The following SPRY1 variants were observed in gnomAD, a reference collection of about 807,000 sequenced individuals.
SPRY1 encodes the protein sprouty RTK signaling antagonist 1, also known as protein sprouty homolog 1.
SPRY1 carries 20 observed loss-of-function variants against 22.6 expected under a neutral mutation model. The observed-to-expected ratio is 0.89, with a 90% CI of 0.62 to 1.29. SPRY1 has a LOEUF of 1.29. Ranked by LOEUF, SPRY1 falls within the 50% of genes most tolerant of loss-of-function variation. SPRY1 has a pLI of 0.00. For synonymous variants in SPRY1, 155 were observed against 144.7 expected, an observed-to-expected ratio of 1.07 and a Z score of -0.51; for missense variants, 446 against 387.7, an observed-to-expected ratio of 1.15 and a Z score of -1.26.
At position 123,401,730 on chromosome 4, in the gene SPRY1, A is replaced by C. The variant is rs759365951; in HGVS notation, c.139A>C (p.Ile47Leu). The C allele has an allele frequency of 3.1e-6, 5 of 1,614,106 alleles. No homozygotes were observed. In the African/African-American group the frequency reaches 5.3e-5, roughly 17 times the overall value. ...TTTGTCCTTAGACCAGATCAAGGCCATAAGAGGCAGCAATGAATACACAGA... is the reference window on the plus strand; with the variant it reads ...TTTGTCCTTAGACCAGATCAAGGCCCTAAGAGGCAGCAATGAATACACAGA... ...AILSLDQIKA[I>L]RGSNEYTEGP... Residue 47 changes from isoleucine to leucine, a missense_variant, in exon 3 of 3, where the codon ATA (isoleucine) becomes CTA (leucine). Coordinates refer to ENST00000651917, the MANE Select transcript of SPRY1 (RefSeq NM_001258038.2).
intron 2 of SPRY1, among the ~76,000 whole-genome samples, chr4:123,400,743 A>G (rs1034803126): frequency 6.6e-6 from 1 of 152,192 alleles, no homozygotes; most frequent in Non-Finnish European, 1.5e-5. Flanking sequence ...AAGGCCTCAC[A>G]CTTATTTGTG....
Position 123,402,706 on chromosome 4 carries a change from C to A in SPRY1, c.*155C>A. Reference sequence around the variant, plus strand: ...GTCTAACTCATGGATTTTTCTCTTTCCTCATGGATGATCTTCAGCAAGAGT... The same window carrying A: ...GTCTAACTCATGGATTTTTCTCTTTACTCATGGATGATCTTCAGCAAGAGT... On this transcript the variant is annotated 3_prime_UTR_variant, in exon 3 of 3. Coordinates refer to ENST00000651917, the MANE Select transcript of SPRY1 (RefSeq NM_001258038.2). 2 of 979,686 alleles carry A rather than the reference C, an allele frequency of 2.0e-6. No homozygotes were observed. The highest frequency in any genetic ancestry group is 3.0e-6 in the Non-Finnish European group (2 of 673,892). The allele number at this position is 979,686 out of a possible 1,614,324, so 60.7% of individuals were successfully genotyped here.
At chr4:123,400,316 G>A (rs1579156896) in intron 2 of SPRY1, 1 of 152,240 alleles carries the variant, frequency 6.6e-6, no homozygotes. Flanking sequence ...AGAGACATTA[G>A]TTTAGGAAAT....
chr4:123,401,787 C>A lies in SPRY1; in HGVS notation c.196C>A (p.Arg66=). The A allele has an allele frequency of 6.2e-7, 1 of 1,614,184 alleles. No homozygotes were observed. The highest frequency in any genetic ancestry group is 2.2e-5 in the East Asian group (1 of 44,886). ...GPSVVKRPAP[R]TAPRQEKHER... ...TTCGGTGGTGAAAAGACCTGCTCCT[C>A]GGACAGCACCAAGACAAGAAAAGCA... The change falls in exon 3 of 3, where the codon CGG becomes AGG. Residue 66 remains arginine (R), a synonymous_variant. Coordinates refer to ENST00000651917, the MANE Select transcript of SPRY1 (RefSeq NM_001258038.2).
intron 2 of SPRY1, chr4:123,400,165 G>C (rs1041840413): frequency 3.3e-5 from 5 of 152,136 alleles, no homozygotes; most frequent in Admixed American, 1.3e-4. Flanking sequence ...TAGATGTTGA[G>C]GACTCCGAGA....
intron 2 of SPRY1, chr4:123,399,642 T>C (rs1055535174): frequency 7.2e-5 from 11 of 152,242 alleles, no homozygotes; most frequent in Admixed American, 6.5e-4. Flanking sequence ...GACAAATCCT[T>C]GCTTAGGGTC....
At chr4:123,398,719 G>T (rs564939269) in intron 2 of SPRY1, among the ~76,000 whole-genome samples, 1 of 152,134 alleles carries the variant, frequency 6.6e-6, no homozygotes, top group Non-Finnish European at 1.5e-5. Context: ...GGGGCTCAAG[G>T]TTGGGTGGCG....
chr4:123,402,520 GC>G lies in SPRY1; in HGVS notation c.933del (p.Ser312ProfsTer64). On this transcript the variant is annotated frameshift_variant, in exon 3 of 3. Transcript: ENST00000651917. LOFTEE classifies it high-confidence loss of function. Reference sequence around the variant, plus strand: ...ACTGTCTATTGTAAGCTGGAGAGCTGCCCCTCCCGGGGTCAGGGTAAACCAT... The same window carrying G: ...ACTGTCTATTGTAAGCTGGAGAGCTGCCCTCCCGGGGTCAGGGTAAACCAT... ...SNTVYCKLESCPSRGQGKPS is the reference protein window; with the variant it reads ...SNTVYCKLESXPSRGQGKPS 6.2e-7 allele frequency: 1 copy of G among 1,613,756 alleles called. No homozygotes were observed. The highest frequency in any genetic ancestry group is 8.5e-7 in the Non-Finnish European group (1 of 1,179,694).
At position 123,403,022 on chromosome 4, in the gene SPRY1, T is replaced by G. The variant is rs1398192309; in HGVS notation, c.*471T>G. On this transcript the variant is annotated 3_prime_UTR_variant, in exon 3 of 3. Coordinates refer to ENST00000651917, the MANE Select transcript of SPRY1 (RefSeq NM_001258038.2). ...GGGCTATCTTCCTAGCATAGGCCCC[T>G]TAAGTAGCATGGGGGATATATTTTT... The G allele has an allele frequency of 1.7e-5, 7 of 405,606 alleles. No individual in the cohort carries two copies. The highest frequency in any genetic ancestry group is 4.4e-5 in the Admixed American group (1 of 22,800). 25.1% of individuals were successfully genotyped at this position (405,606 alleles called of 1,614,324 possible). A position where few individuals can be genotyped will look rare whatever the true frequency, so the allele number is the denominator to read the frequency against.
intron 2 of SPRY1, 101 bp downstream of exon 2, chr4:123,397,957 C>T (rs1430967510): frequency 1.3e-5 from 2 of 152,140 alleles, no homozygotes; most frequent in African/African-American, 4.8e-5. Flanking sequence ...GTGACCCACC[C>T]GCCGACGGCG....
At chr4:123,398,686 C>T (rs545139823) in intron 2 of SPRY1, among the ~76,000 whole-genome samples, 3 of 150,996 alleles carry the variant, frequency 2.0e-5, no homozygotes, top group Non-Finnish European at 4.4e-5. Flanking sequence ...CCGCTCCCTG[C>T]CCCCTGGGGG....
rs1388033415 is a variant in SPRY1 at position 123,403,462 on chromosome 4, C to G, written c.*911C>G. 1 of 167,084 alleles carries G rather than the reference C, an allele frequency of 6.0e-6. No homozygotes were observed. The highest frequency in any genetic ancestry group is 1.9e-4 in the East Asian group (1 of 5,200). 10.4% of individuals were successfully genotyped at this position (167,084 alleles called of 1,614,324 possible). A position where few individuals can be genotyped will look rare whatever the true frequency, so the allele number is the denominator to read the frequency against. Reference sequence around the variant, plus strand: ...TAGTTAACAGCTGAGTAATTCTAATCTCTTCTGTGTTTTCCTTGCCTTAAC... The same window carrying G: ...TAGTTAACAGCTGAGTAATTCTAATGTCTTCTGTGTTTTCCTTGCCTTAAC... On this transcript the variant is annotated 3_prime_UTR_variant, in exon 3 of 3. Transcript: ENST00000651917.
chr4:123,396,823 C>T lies in SPRY1; in HGVS notation c.-411C>T, dbSNP rs919897930. 1 of 152,190 alleles carries T rather than the reference C, an allele frequency of 6.6e-6. No homozygotes were observed. Among genetic ancestry groups the T allele is most frequent in the Non-Finnish European group, 1.5e-5 (1 of 68,034 alleles). 9.4% of individuals were successfully genotyped at this position (152,190 alleles called of 1,614,324 possible). On this transcript the variant is annotated 5_prime_UTR_variant, in exon 1 of 3. Coordinates refer to ENST00000651917, the MANE Select transcript of SPRY1 (RefSeq NM_001258038.2). ...GCCGGAGTGAGACCGCTCTGCAAAC[C>T]ACTGCGTGCTTTGCAGAGTGATTAT...
At chr4:123,401,494 T>C (rs1579158319) in intron 2 of SPRY1, 43 bp from the exon 3 acceptor site, 2 of 1,401,316 alleles carry the variant, frequency 1.4e-6, no homozygotes, top group East Asian at 5.3e-5. Flanking sequence ...AAATGCTTCC[T>C]GTCATTTATT....
At position 123,402,446 on chromosome 4, in the gene SPRY1, G is replaced by A. The variant is rs1308934386; in HGVS notation, c.855G>A (p.Arg285=). 1 of 1,614,142 alleles carries A rather than the reference G, an allele frequency of 6.2e-7. No individual in the cohort carries two copies. The highest frequency in any genetic ancestry group is 8.5e-7 in the Non-Finnish European group (1 of 1,180,024). Residue 285 remains arginine (R), a synonymous_variant, in exon 3 of 3, where the codon AGG becomes AGA. Coordinates refer to ENST00000651917, the MANE Select transcript of SPRY1 (RefSeq NM_001258038.2). ...AAGGATGCCTGAAGCTGTGCAGGAG[G>A]TGTTATGACTGGATCCATCGCCCAG... ...PAKGCLKLCR[R]CYDWIHRPGC...
chr4:123,402,579 ACTT>A lies in SPRY1; in HGVS notation c.*29_*31del, dbSNP rs1232561576. 6.4e-7 allele frequency: 1 copy of A among 1,551,106 alleles called. No homozygotes were observed. Among genetic ancestry groups the A allele is most frequent in the African/African-American group, 1.4e-5 (1 of 71,962 alleles). ...TTTGGAGGTGGGTTGTACCTCCTGA[ACTT>A]TTAGCTTTCAAGTTGTGGCTGTTTT... is the stretch of plus-strand genomic sequence containing the variant. On this transcript the variant is annotated 3_prime_UTR_variant, in exon 3 of 3. Coordinates refer to ENST00000651917, the MANE Select transcript of SPRY1 (RefSeq NM_001258038.2).
rs765138425 is a variant in SPRY1, at chr4:123,402,528, C to T, written c.937C>T (p.Arg313Trp). 48 of 1,613,290 alleles carry T rather than the reference C, an allele frequency of 3.0e-5. No individual in the cohort carries two copies. Among genetic ancestry groups the T allele is most frequent in the Middle Eastern group, 3.3e-4 (2 of 6,084 alleles). ...TTGTAAGCTGGAGAGCTGCCCCTCC[C>T]GGGGTCAGGGTAAACCATCATGATT... is the stretch of plus-strand genomic sequence containing the variant. ...VYCKLESCPS[R>W]GQGKPS is the part of the protein sequence containing the mutation. Residue 313 changes from arginine to tryptophan, a missense_variant, in exon 3 of 3, where the codon CGG becomes TGG. Arg to Trp is a moderately radical substitution (Grantham distance 101). Coordinates refer to ENST00000651917, the MANE Select transcript of SPRY1 (RefSeq NM_001258038.2).
chr4:123,403,464 C>G lies in SPRY1; in HGVS notation c.*913C>G, dbSNP rs1216374497. On this transcript the variant is annotated 3_prime_UTR_variant, in exon 3 of 3. Coordinates refer to ENST00000651917, the MANE Select transcript of SPRY1 (RefSeq NM_001258038.2). The stretch of plus-strand genomic sequence containing the variant: ...GTTAACAGCTGAGTAATTCTAATCT[C>G]TTCTGTGTTTTCCTTGCCTTAACCA... 1 of 167,060 alleles carries G rather than the reference C, an allele frequency of 6.0e-6. No homozygotes were observed. The highest frequency in any genetic ancestry group is 2.4e-5 in the African/African-American group (1 of 41,434). 10.3% of individuals were successfully genotyped at this position (167,060 alleles called of 1,614,324 possible). A position where few individuals can be genotyped will look rare whatever the true frequency, so the allele number is the denominator to read the frequency against.
At chr4:123,400,895 A>T (rs1394479862) in intron 2 of SPRY1, among the ~76,000 whole-genome samples, 1 of 152,190 alleles carries the variant, frequency 6.6e-6, no homozygotes, top group East Asian at 1.9e-4. Context: ...GCTCCAAAAC[A>T]CCAAGAATCG....
Sources: allele counts gnomAD v4.1 joint callset (sites outside exome capture counted in the v4.1 genomes callset), GRCh38; gene constraint gnomAD v4.1.1; transcripts MANE v1.5; gene names NCBI Gene and HGNC (gene_info 2026-07-23, HGNC 2026-07-21).